SCUBE1: variants seen among roughly 807,000 people sequenced by gnomAD.
SCUBE1 encodes signal peptide, CUB domain and EGF like domain containing 1, also known as signal peptide, CUB and EGF-like domain-containing protein 1.
A neutral mutation model predicts 124.4 loss-of-function variants in SCUBE1; 59 were observed. The observed-to-expected ratio is 0.47, with a 90% CI of 0.38 to 0.59. The LOEUF is 0.59. Ranked by LOEUF, SCUBE1 falls within the 20% of genes least tolerant of loss-of-function variation. The pLI is 0.00. For missense variants in SCUBE1, 1,150 were observed against 1,371.2 expected (o/e 0.84, Z 2.55); for synonymous variants, 545 against 550.9 (o/e 0.99, Z 0.15).
Position 43,204,054 on chromosome 22 carries a change from C to G in SCUBE1, c.2910G>C (p.Arg970=). ...TAQESKEMFP[R]SFIKLLRSKV... ...TGGAGCGCAGCAGTTTGATGAAGGA[C>G]CGTGGGAACATCTCCTTGGATTCCT... Residue 970 remains arginine (R), a synonymous_variant, in exon 22 of 22, where the codon CGG becomes CGC. Coordinates refer to ENST00000360835, the MANE Select transcript of SCUBE1 (RefSeq NM_173050.5). 1 of 1,614,140 alleles carries G rather than the reference C, an allele frequency of 6.2e-7. No homozygotes were observed. The highest frequency in any genetic ancestry group is 8.5e-7 in the Non-Finnish European group (1 of 1,180,022).
chr22:43,301,564 G>A (rs1485227923), intron 3 of SCUBE1, among the ~76,000 whole-genome samples: 1 of 152,074 alleles, frequency 6.6e-6, no homozygotes, highest in African/African-American at 2.4e-5. Flanking sequence ...CTCAGCTCAC[G>A]TGCCGCTTTC....
intron 10 of SCUBE1, among the ~76,000 whole-genome samples, chr22:43,226,718 G>A (rs1922322859): frequency 6.6e-6 from 1 of 152,014 alleles, no homozygotes; most frequent in Non-Finnish European, 1.5e-5. Flanking sequence ...GGATGTCAGA[G>A]TGTGGCGGGG....
intron 2 of SCUBE1, among the ~76,000 whole-genome samples, chr22:43,323,666 G>T (rs988587828): frequency 4.6e-5 from 7 of 151,704 alleles, no homozygotes; most frequent in Non-Finnish European, 1.0e-4. Flanking sequence ...TATATTCATT[G>T]ATTCAAATAC....
chr22:43,299,005 C>T (rs1251674623), intron 3 of SCUBE1, among the ~76,000 whole-genome samples: 1 of 150,706 alleles, frequency 6.6e-6, no homozygotes, highest in Non-Finnish European at 1.5e-5. Context: ...TGAGCCAGAC[C>T]GCACCACTGC....
chr22:43,245,794 C>A (rs984282343), intron 6 of SCUBE1, among the ~76,000 whole-genome samples: 7 of 152,246 alleles, frequency 4.6e-5, no homozygotes, highest in Non-Finnish European at 1.0e-4. Flanking sequence ...TACCTGAGAA[C>A]CGTGCTGCTT....
intron 4 of SCUBE1, among the ~76,000 whole-genome samples, chr22:43,286,541 C>A (rs1925150917): frequency 6.6e-6 from 1 of 152,244 alleles, no homozygotes; most frequent in Non-Finnish European, 1.5e-5. Context: ...CAGTGCTGGA[C>A]CCTCGGAATA....
In SCUBE1 at chr22:43,255,392, C is replaced by A; in HGVS notation, c.727+2827G>T. 9.5e-7 allele frequency: 1 copy of A among 1,055,342 alleles called. No homozygotes were observed. The highest frequency in any genetic ancestry group is 1.4e-6 in the Non-Finnish European group (1 of 699,584). 65.4% of individuals were successfully genotyped at this position (1,055,342 alleles called of 1,614,324 possible). A position where few individuals can be genotyped will look rare whatever the true frequency, so the allele number is the denominator to read the frequency against. On this transcript the variant is annotated intron_variant, in intron 6 of 21. Transcript: ENST00000360835. This position sits in a 1 kb window ranked among gnomAD's most constrained non-coding sequence, Gnocchi z 4.7. ...GTCACACCCACACACAGCACACACACGCCCATGTCCACATGCCAGTGCGCA... is the reference window on the plus strand; with the variant it reads ...GTCACACCCACACACAGCACACACAAGCCCATGTCCACATGCCAGTGCGCA...
intron 3 of SCUBE1, among the ~76,000 whole-genome samples, chr22:43,306,291 C>T (rs182312798): frequency 6.6e-5 from 10 of 152,294 alleles, no homozygotes; most frequent in Non-Finnish European, 1.2e-4. Context: ...CTTCACAAGA[C>T]ACTTATTTAT....
rs1921001600 is a variant in SCUBE1 at position 43,201,317 on chromosome 22, A to AG, written c.*2679_*2680insC. The AG allele has an allele frequency of 1.3e-5, 2 of 149,916 alleles. No homozygotes were observed. The highest frequency in any genetic ancestry group is 4.9e-5 in the African/African-American group (2 of 40,592). The allele number at this position is 149,916 out of a possible 1,614,324, so 9.3% of individuals were successfully genotyped here. A position where few individuals can be genotyped will look rare whatever the true frequency, so the allele number is the denominator to read the frequency against. On this transcript the variant is annotated 3_prime_UTR_variant, in exon 22 of 22. Transcript: ENST00000360835. ...AGACTCCATCTCAAAAAAAAAAAAA[A>AG]AAAAAAAAAAGAAAACAAAAAAAGA...
intron 3 of SCUBE1, among the ~76,000 whole-genome samples, chr22:43,294,281 A>G (rs927322220): frequency 1.7e-4 from 26 of 152,226 alleles, no homozygotes; most frequent in Admixed American, 1.6e-3. Flanking sequence ...TCTCTAGGGA[A>G]GGGCCTGAGG....
intron 4 of SCUBE1, among the ~76,000 whole-genome samples, chr22:43,286,071 G>A (rs1043787872): frequency 3.3e-5 from 5 of 152,322 alleles, no homozygotes; most frequent in African/African-American, 9.6e-5. Context: ...CTGACTCTGC[G>A]GCCGGCTTGT....
intron 2 of SCUBE1, among the ~76,000 whole-genome samples, chr22:43,323,597 C>T (rs1926629802): frequency 8.8e-6 from 1 of 113,936 alleles, no homozygotes; most frequent in African/African-American, 3.1e-5. Flanking sequence ...AACATCCATC[C>T]ATCCATCCAT....
intron 7 of SCUBE1, among the ~76,000 whole-genome samples, chr22:43,235,950 C>A (rs1329806684): frequency 6.6e-6 from 1 of 152,184 alleles, no homozygotes; most frequent in Non-Finnish European, 1.5e-5. Context: ...ACAAAACCTC[C>A]CAACTCTCCC....
chr22:43,307,988 C>T (rs1312389776), intron 3 of SCUBE1, among the ~76,000 whole-genome samples: 3 of 151,988 alleles, frequency 2.0e-5, no homozygotes, highest in Non-Finnish European at 2.9e-5. Context: ...GTAATAAACA[C>T]CCCACAGTCC....
intron 7 of SCUBE1, among the ~76,000 whole-genome samples, chr22:43,237,068 GGC>G (rs1491171918): frequency 6.7e-6 from 1 of 149,634 alleles, no homozygotes; most frequent in East Asian, 2.0e-4. Context: ...CTGGTGAAAG[GGC>G]CCCGACCGCT....
intron 12 of SCUBE1, 79 bp from the exon 13 acceptor site, chr22:43,221,368 G>A: frequency 1.3e-6 from 1 of 752,100 alleles, no homozygotes; most frequent in Non-Finnish European, 2.3e-6. Context: ...GCTGCCAGGG[G>A]ACAAATCCAT....
At chr22:43,230,874 A>G (rs890448955) in intron 8 of SCUBE1, among the ~76,000 whole-genome samples, 1 of 152,140 alleles carries the variant, frequency 6.6e-6, no homozygotes, top group African/African-American at 2.4e-5. Context: ...GCCCCGTGCC[A>G]GCCCCTGAGC....
rs1043707211 is a variant in SCUBE1, at chr22:43,209,990, G to A, written c.2581+53C>T. On this transcript the variant is annotated intron_variant, in intron 19 of 21. Transcript: ENST00000360835. ...CCGCCTGGCAGAACCGCAGCGAGAC[G>A]GGGGTGCACACGCAGCTGAGGCTGC... is the stretch of plus-strand genomic sequence containing the variant. 19 of 1,520,020 alleles carry A rather than the reference G, an allele frequency of 1.2e-5. No individual in the cohort carries two copies. The African/African-American group carries it at 1.4e-4, about 11-fold the overall frequency. The allele number at this position is 1,520,020 out of a possible 1,614,324, so 94.2% of individuals were successfully genotyped here.
intron 19 of SCUBE1, among the ~76,000 whole-genome samples, chr22:43,208,652 C>T (rs1400449660): frequency 1.3e-5 from 2 of 152,320 alleles, no homozygotes; most frequent in East Asian, 3.9e-4. Flanking sequence ...TGAACTGGCA[C>T]TGACTGCTGG....
Sources: allele counts gnomAD v4.1 joint callset (sites outside exome capture counted in the v4.1 genomes callset), GRCh38; gene constraint gnomAD v4.1.1; non-coding constraint Gnocchi (gnomAD v3.1); transcripts MANE v1.5; gene names NCBI Gene and HGNC (gene_info 2026-07-23, HGNC 2026-07-21).